The following SMIM31 variants were observed in gnomAD, a reference collection of about 807,000 sequenced individuals.
SMIM31 encodes small integral membrane protein 31, also known as human epithelial cell program regulator.
intron 2 of SMIM31, among the ~76,000 whole-genome samples, chr4:164,792,869 C>T (rs6536860): frequency 0.73 from 110,000 of 151,454 alleles, 40,433 homozygotes; most frequent in Non-Finnish European, 0.8. Context: ...GATTTCAAAA[C>T]ATTACAAAGC....
At chr4:164,791,844 C>T (rs1231306853) in intron 2 of SMIM31, among the ~76,000 whole-genome samples, 1 of 152,054 alleles carries the variant, frequency 6.6e-6, no homozygotes, top group Non-Finnish European at 1.5e-5. Flanking sequence ...ATCCTTCAAC[C>T]CCTCCCACAC....
rs375892361 is a variant in SMIM31 at position 164,757,621 on chromosome 4, C to CT, written c.-26+3220dup. On this transcript the variant is annotated intron_variant, in intron 1 of 2. Transcript: ENST00000507311. ...GTTGCTGAAGCAGAAATAGAAGTTC[C>CT]TTTTTTTTTTCCTATAAATGTCTCA... 2.4e-3 allele frequency among the ~76,000 whole-genome samples: 358 copies of CT among 148,212 alleles called. 2 individuals carry two copies. Among genetic ancestry groups the CT allele is most frequent in the African/African-American group, 7.0e-3 (283 of 40,598 alleles).
intron 1 of SMIM31, among the ~76,000 whole-genome samples, chr4:164,766,239 T>C (rs527924910): frequency 3.3e-5 from 5 of 152,312 alleles, no homozygotes; most frequent in African/African-American, 1.2e-4. Context: ...GGGTGGGATT[T>C]TCTCAAGTAA....
Position 164,801,407 on chromosome 4 carries a change from A to G in SMIM31, c.*213A>G. 1 of 359,526 alleles carries G rather than the reference A, an allele frequency of 2.8e-6. No individual in the cohort carries two copies. Among genetic ancestry groups the G allele is most frequent in the Non-Finnish European group, 4.9e-6 (1 of 202,128 alleles). 22.3% of individuals were successfully genotyped at this position (359,526 alleles called of 1,614,324 possible). On this transcript the variant is annotated 3_prime_UTR_variant, in exon 3 of 3. Coordinates refer to ENST00000507311, the MANE Select transcript of SMIM31 (RefSeq NM_001352885.1). ...TTATCCAAAATATCTATTAAGAGCCATACACCATTCTAGCTGCAATTGATT... is the reference window on the plus strand; with the variant it reads ...TTATCCAAAATATCTATTAAGAGCCGTACACCATTCTAGCTGCAATTGATT...
chr4:164,795,529 C>G (rs1733178038), intron 2 of SMIM31, among the ~76,000 whole-genome samples: 2 of 129,934 alleles, frequency 1.5e-5, no homozygotes, highest in Non-Finnish European at 3.1e-5. Context: ...CACTGCACTC[C>G]AGCCTGGTGA....
chr4:164,768,809 G>T (rs771167104), intron 1 of SMIM31, among the ~76,000 whole-genome samples: 2 of 152,188 alleles, frequency 1.3e-5, no homozygotes, highest in Admixed American at 6.5e-5. Flanking sequence ...TATTCTCTGA[G>T]CTGCTTTAGC....
At chr4:164,777,552 C>G (rs1175071295) in intron 2 of SMIM31, among the ~76,000 whole-genome samples, 13 of 152,140 alleles carry the variant, frequency 8.5e-5, no homozygotes, top group Non-Finnish European at 4.4e-5. Flanking sequence ...ACACTAGGCC[C>G]TGTCTTTGAA....
chr4:164,767,725 G>A (rs1271180488), intron 1 of SMIM31, among the ~76,000 whole-genome samples: 1 of 152,174 alleles, frequency 6.6e-6, no homozygotes, highest in South Asian at 2.1e-4. Context: ...TGAATTTAGG[G>A]CATAGTTGTG....
chr4:164,770,439 G>A lies in SMIM31; in HGVS notation c.-5G>A, dbSNP rs574447299. The A allele has an allele frequency of 1.0e-5, 4 of 398,684 alleles. No homozygotes were observed. The East Asian group carries it at 1.4e-4, about 14-fold the overall frequency. 24.7% of individuals were successfully genotyped at this position (398,684 alleles called of 1,614,324 possible). On this transcript the variant is annotated 5_prime_UTR_variant, in exon 2 of 3. Transcript: ENST00000507311. ...TGTAGGTGAAGAAGTTTTCGGTGGT[G>A]GTTCATGGAGCTTCCCTACACCAAC... is the stretch of plus-strand genomic sequence containing the variant.
intron 2 of SMIM31, among the ~76,000 whole-genome samples, chr4:164,786,516 A>G (rs1409547552): frequency 1.3e-5 from 2 of 152,180 alleles, no homozygotes; most frequent in African/African-American, 2.4e-5. Flanking sequence ...AGAGAGATTA[A>G]TATTTGCTCA....
At chr4:164,780,304 G>A (rs1456487984) in intron 2 of SMIM31, among the ~76,000 whole-genome samples, 1 of 152,204 alleles carries the variant, frequency 6.6e-6, no homozygotes, top group African/African-American at 2.4e-5. Flanking sequence ...GCGCATGCCT[G>A]TAGTCCCAGC....
At chr4:164,798,778 C>T (rs746841696) in intron 2 of SMIM31, among the ~76,000 whole-genome samples, 18 of 152,154 alleles carry the variant, frequency 1.2e-4, no homozygotes, top group African/African-American at 2.2e-4. Flanking sequence ...TTGTAATCCC[C>T]GTTGTTGAAG....
At chr4:164,770,601 C>T in intron 2 of SMIM31, 46 bp downstream of exon 2, 1 of 398,672 alleles carries the variant, frequency 2.5e-6, no homozygotes, top group Non-Finnish European at 4.4e-6. Context: ...CTACTGTGTC[C>T]TTTTCCCTGC....
In SMIM31 at chr4:164,803,780, T is replaced by C. The variant is rs911402848; in HGVS notation, c.*2586T>C. On this transcript the variant is annotated 3_prime_UTR_variant, in exon 3 of 3. Transcript: ENST00000507311. ...ATTGCTCTCCAGCCTGGGGAGCAAA[T>C]GCAAAACTCCATTTCAAAAAAAAGA... 3 of 151,846 alleles carry C rather than the reference T, an allele frequency of 2.0e-5. No individual in the cohort carries two copies. The highest frequency in any genetic ancestry group is 4.4e-5 in the Non-Finnish European group (3 of 68,018). The allele number at this position is 151,846 out of a possible 1,614,324, so 9.4% of individuals were successfully genotyped here.
intron 1 of SMIM31, among the ~76,000 whole-genome samples, chr4:164,764,087 G>A (rs934383036): frequency 9.2e-5 from 14 of 152,254 alleles, no homozygotes; most frequent in South Asian, 2.1e-4. Flanking sequence ...CTCAGAAAGT[G>A]ATATTAAATA....
intron 2 of SMIM31, among the ~76,000 whole-genome samples, chr4:164,772,878 G>T (rs1322262532): frequency 2.0e-5 from 3 of 147,440 alleles, no homozygotes; most frequent in Non-Finnish European, 4.6e-5. Context: ...GCGCCCGGCC[G>T]GACATTGAAG....
intron 1 of SMIM31, among the ~76,000 whole-genome samples, chr4:164,764,282 G>C (rs1732689585): frequency 6.6e-6 from 1 of 152,022 alleles, no homozygotes; most frequent in Non-Finnish European, 1.5e-5. Flanking sequence ...AAATGTGGTG[G>C]GTGTGGCAGG....
intron 2 of SMIM31, among the ~76,000 whole-genome samples, chr4:164,791,810 A>G (rs35774184): frequency 0.37 from 55,649 of 151,990 alleles, 10,506 homozygotes; most frequent in African/African-American, 0.4. Flanking sequence ...AATGGTGTAC[A>G]TGGTACCCAA....
At chr4:164,795,878 C>T (rs558021542) in intron 2 of SMIM31, among the ~76,000 whole-genome samples, 4 of 152,144 alleles carry the variant, frequency 2.6e-5, no homozygotes, top group Non-Finnish European at 5.9e-5. Context: ...CAAGAAAGCA[C>T]AGTCTAGTGA....
Sources: allele counts gnomAD v4.1 joint callset (sites outside exome capture counted in the v4.1 genomes callset), GRCh38; gene constraint gnomAD v4.1.1; transcripts MANE v1.5; gene names NCBI Gene and HGNC (gene_info 2026-07-23, HGNC 2026-07-21).